Variants in UNK observed in about 807,000 individuals in gnomAD.
The protein encoded by UNK is RING finger protein unkempt homolog.
In UNK, 32 loss-of-function variants were observed where a neutral mutation model predicts 97.6. That is an observed-to-expected ratio of 0.33 (90% CI 0.25 to 0.44). The LOEUF is 0.44. Ranked by LOEUF, UNK falls within the 20% of genes least tolerant of loss-of-function variation. The probability of loss-of-function intolerance (pLI) is 1.00; values close to 1 mark genes in which losing one functional copy is unlikely to be tolerated. For synonymous variants in UNK, 441 were observed against 461.2 expected (o/e 0.96, Z 0.56); for missense variants, 771 against 1,098.4 (o/e 0.70, Z 4.21).
In UNK at chr17:75,786,731, C is replaced by T. The variant is rs558171236; in HGVS notation, c.104+1747C>T. Reference sequence around the variant, plus strand: ...AATTAGCTGGGTGTGCTGGCGGGCGCCTGTAATCCCAGCTACTCAGGAGGC... The same window carrying T: ...AATTAGCTGGGTGTGCTGGCGGGCGTCTGTAATCCCAGCTACTCAGGAGGC... On this transcript the variant is annotated intron_variant, in intron 1 of 15. Transcript: ENST00000589666. Among the ~76,000 whole-genome samples the T allele has an allele frequency of 3.3e-5, 5 of 152,274 alleles. No homozygotes were observed. The South Asian group carries it at 1.0e-3, about 32-fold the overall frequency.
intron 14 of UNK, 125 bp from the exon 15 acceptor site, chr17:75,823,140 C>T: frequency 6.9e-7 from 1 of 1,442,924 alleles, no homozygotes; most frequent in East Asian, 2.4e-5. Flanking sequence ...CCTTGCCCTC[C>T]TCCCAGAGAG....
intron 1 of UNK, chr17:75,791,661 G>C (rs1391474428): frequency 1.1e-6 from 1 of 870,546 alleles, no homozygotes. Flanking sequence ...CCTTGCTAAG[G>C]GTAGATTCTT....
chr17:75,786,391 C>G (rs1197614832), intron 1 of UNK, among the ~76,000 whole-genome samples: 1 of 152,154 alleles, frequency 6.6e-6, no homozygotes. Context: ...TTTTGAGTCA[C>G]GAGAGTCTTG....
chr17:75,804,101 G>T (rs955177215), intron 1 of UNK, among the ~76,000 whole-genome samples: 5 of 152,206 alleles, frequency 3.3e-5, no homozygotes, highest in African/African-American at 1.2e-4. Context: ...CCAAATGCAG[G>T]CTATAGTTCT....
rs187251365 is a variant in UNK, at chr17:75,793,640, T to C, written c.104+8656T>C. The stretch of plus-strand genomic sequence containing the variant: ...TATCATCAAGTCGTATCTGAACTTA[T>C]TGAACTGTTTCCTCCCCTTCCTTAT... On this transcript the variant is annotated intron_variant, in intron 1 of 15. Transcript: ENST00000589666. 3.1e-3 allele frequency: 3,075 copies of C among 985,470 alleles called. 4 individuals are homozygous for C. The highest frequency in any genetic ancestry group is 4.2e-3 in the Middle Eastern group (8 of 1,914). The allele number at this position is 985,470 out of a possible 1,614,324, so 61.0% of individuals were successfully genotyped here. A position where few individuals can be genotyped will look rare whatever the true frequency, so the allele number is the denominator to read the frequency against.
intron 1 of UNK, among the ~76,000 whole-genome samples, chr17:75,804,412 G>T (rs1302829919): frequency 5.3e-5 from 8 of 152,086 alleles, no homozygotes; most frequent in Admixed American, 5.2e-4. Flanking sequence ...CTGAGATCAC[G>T]CTGCTGCACT....
intron 1 of UNK, among the ~76,000 whole-genome samples, chr17:75,803,948 G>C (rs1276534107): frequency 1.3e-5 from 2 of 152,226 alleles, no homozygotes; most frequent in Non-Finnish European, 2.9e-5. Flanking sequence ...GTAAAACAGT[G>C]CTTATGCAAA....
At chr17:75,798,350 A>T (rs4788911) in intron 1 of UNK, among the ~76,000 whole-genome samples, 6 of 151,808 alleles carry the variant, frequency 4.0e-5, no homozygotes, top group African/African-American at 9.7e-5. Context: ...ATTACAGGCA[A>T]GAGCCACCAC....
chr17:75,789,867 G>GC (rs1031683993), intron 1 of UNK, among the ~76,000 whole-genome samples: 37 of 152,288 alleles, frequency 2.4e-4, no homozygotes, highest in African/African-American at 8.4e-4. Flanking sequence ...GCTGAGCAGG[G>GC]CGTAGTAGCT....
In UNK at chr17:75,785,003, C is replaced by G. The variant is rs773719382; in HGVS notation, c.104+19C>G. 79 of 1,403,246 alleles carry G rather than the reference C, an allele frequency of 5.6e-5. No individual in the cohort carries two copies. The highest frequency in any genetic ancestry group is 6.0e-5 in the Non-Finnish European group (64 of 1,075,218). The allele number at this position is 1,403,246 out of a possible 1,614,324, so 86.9% of individuals were successfully genotyped here. On this transcript the variant is annotated intron_variant, in intron 1 of 15. Transcript: ENST00000589666. ...ACTACACGTACGTAGAGCCCCCCCCCCCCCGCCGCGCGCGCACGCCTGACG... is the reference window on the plus strand; with the variant it reads ...ACTACACGTACGTAGAGCCCCCCCCGCCCCGCCGCGCGCGCACGCCTGACG...
At position 75,813,217 on chromosome 17, in the gene UNK, C is replaced by T. The variant is rs1419880427; in HGVS notation, c.758+4C>T. On this transcript the variant is annotated splice_donor_region_variant and intron_variant, in intron 5 of 15. Coordinates refer to ENST00000589666, the MANE Select transcript of UNK (RefSeq NM_001080419.3). ...GCCCCCGGAAGCACAAATACAGGTC[C>T]TTAGGCCCCAGGAGGCCAGCCACGG... 6.3e-7 allele frequency: 1 copy of T among 1,574,842 alleles called. No homozygotes were observed. The highest frequency in any genetic ancestry group is 1.9e-5 in the Admixed American group (1 of 53,526).
At position 75,818,215 on chromosome 17, in the gene UNK, T is replaced by C. The variant is rs758158224; in HGVS notation, c.1371+47T>C. The C allele has an allele frequency of 4.7e-5, 75 of 1,606,204 alleles. No homozygotes were observed. Among genetic ancestry groups the C allele is most frequent in the Admixed American group, 1.2e-4 (7 of 59,578 alleles). On this transcript the variant is annotated intron_variant, in intron 10 of 15. Transcript: ENST00000589666. The surrounding 1 kb of genome is among the most constrained non-coding windows in gnomAD (Gnocchi z 5.1). Reference sequence around the variant, plus strand: ...TCCTCCCCTCTGCTGTGGACAGGAGTGGCCCAGAACCCCAGGAGGCTTCGG... The same window carrying C: ...TCCTCCCCTCTGCTGTGGACAGGAGCGGCCCAGAACCCCAGGAGGCTTCGG...
Position 75,817,240 on chromosome 17 carries a change from G to T in UNK, c.1105-86G>T, listed in dbSNP as rs891958763. The stretch of plus-strand genomic sequence containing the variant: ...TGAAAGTGGAACTGAGCCCCTTGAA[G>T]ACTCCCTCTGGAGAGGGTGGAGGAT... On this transcript the variant is annotated intron_variant, in intron 8 of 15. Coordinates refer to ENST00000589666, the MANE Select transcript of UNK (RefSeq NM_001080419.3). The surrounding 1 kb of genome is among the most constrained non-coding windows in gnomAD (Gnocchi z 5.8). 3 of 1,386,712 alleles carry T rather than the reference G, an allele frequency of 2.2e-6. No individual in the cohort carries two copies. The highest frequency in any genetic ancestry group is 2.9e-6 in the Non-Finnish European group (3 of 1,029,532). 85.9% of individuals were successfully genotyped at this position (1,386,712 alleles called of 1,614,324 possible).
Position 75,809,889 on chromosome 17 carries a change from G to C in UNK, c.234G>C (p.Arg78=). 1 of 1,613,888 alleles carries C rather than the reference G, an allele frequency of 6.2e-7. No homozygotes were observed. The highest frequency in any genetic ancestry group is 8.5e-7 in the Non-Finnish European group (1 of 1,179,896). The change falls in exon 2 of 16, where the codon CGG becomes CGC. Residue 78 remains arginine (R), a synonymous_variant. Coordinates refer to ENST00000589666, the MANE Select transcript of UNK (RefSeq NM_001080419.3). The stretch of plus-strand genomic sequence containing the variant: ...GGCGCCGCCGGTCCATCCGCCGTCG[G>C]GACGGCACCTTCAATTACAGCCCTG... ...NQRRRRSIRR[R]DGTFNYSPDV... is the part of the protein sequence containing the mutation.
At chr17:75,810,431 TAGGG>T (rs904574018) in intron 2 of UNK, among the ~76,000 whole-genome samples, 3 of 145,708 alleles carry the variant, frequency 2.1e-5, no homozygotes, top group African/African-American at 8.1e-5. Flanking sequence ...ATGACAGACA[TAGGG>T]AGGTGCCACA....
chr17:75,823,137 C>T, intron 14 of UNK, 128 bp from the exon 15 acceptor site: 1 of 1,429,388 alleles, frequency 7.0e-7, no homozygotes, highest in African/African-American at 1.4e-5. Flanking sequence ...CCTCCTTGCC[C>T]TCCTCCCAGA....
intron 1 of UNK, among the ~76,000 whole-genome samples, chr17:75,803,703 A>T (rs1185169211): frequency 6.6e-6 from 1 of 152,188 alleles, no homozygotes; most frequent in Non-Finnish European, 1.5e-5. Flanking sequence ...CATCAGTTCC[A>T]TAAGTTTTTG....
Position 75,824,801 on chromosome 17 carries a change from T to C in UNK, c.*384T>C, listed in dbSNP as rs1192187340. 6.6e-6 allele frequency: 1 copy of C among 152,510 alleles called. No homozygotes were observed. Among genetic ancestry groups the C allele is most frequent in the Non-Finnish European group, 1.5e-5 (1 of 68,188 alleles). The allele number at this position is 152,510 out of a possible 1,614,324, so 9.4% of individuals were successfully genotyped here. A position where few individuals can be genotyped will look rare whatever the true frequency, so the allele number is the denominator to read the frequency against. On this transcript the variant is annotated 3_prime_UTR_variant, in exon 16 of 16. Transcript: ENST00000589666. This position sits in a 1 kb window ranked among gnomAD's most constrained non-coding sequence, Gnocchi z 4.9. ...GAATCTGGTTCTGTCTCTTTTTTAA[T>C]GTAGGAACTAACTATTTTTAACTTC...
At chr17:75,807,670 G>A (rs146984166) in intron 1 of UNK, among the ~76,000 whole-genome samples, 2,398 of 152,260 alleles carry the variant, frequency 0.016, 52 homozygotes, top group African/African-American at 0.044. Context: ...GGCCAGGATG[G>A]TCTCGATCTG....
Sources: gnomAD v4.1 joint callset for allele counts (sites outside exome capture counted in the v4.1 genomes callset) on GRCh38, gnomAD v4.1.1 for gene constraint, Gnocchi (gnomAD v3.1) non-coding constraint, MANE v1.5 for transcripts, NCBI Gene and HGNC (gene_info 2026-07-23, HGNC 2026-07-21) for gene names.